MYO1D: variants seen among roughly 807,000 people sequenced by gnomAD.
The protein encoded by MYO1D is unconventional myosin-Id.
MYO1D carries 83 observed loss-of-function variants against 122.0 expected under a neutral mutation model. The ratio of observed to expected loss-of-function variants is 0.68; its 90% CI spans 0.57 to 0.82. The LOEUF (loss-of-function observed/expected upper bound fraction) is 0.82. Among genes scored for constraint, MYO1D ranks in the 40% least tolerant of loss-of-function variants. The pLI, the probability that MYO1D is intolerant of heterozygous loss-of-function variation, is 0.00. For missense variants in MYO1D, 1,157 were observed against 1,269.5 expected (o/e 0.91, Z 1.35); for synonymous variants, 464 against 446.9 (o/e 1.04, Z -0.48).
At chr17:32,594,453 T>C (rs1208369057) in intron 21 of MYO1D, 2 of 476,252 alleles carry the variant, frequency 4.2e-6, no homozygotes, top group East Asian at 3.3e-5. Flanking sequence ...TTGAACACTT[T>C]TGTTTGTTTC....
chr17:32,574,399 A>G (rs148642590), intron 21 of MYO1D, among the ~76,000 whole-genome samples: 1 of 152,306 alleles, frequency 6.6e-6, no homozygotes, highest in African/African-American at 2.4e-5. Flanking sequence ...GAATTATAGT[A>G]TGTTGAGTAA....
chr17:32,621,035 C>T (rs2087849283), intron 20 of MYO1D, among the ~76,000 whole-genome samples: 1 of 152,276 alleles, frequency 6.6e-6, no homozygotes, highest in African/African-American at 2.4e-5. Context: ...TCTAAAATGA[C>T]ATTCATTTAT....
chr17:32,494,549 T>C lies in MYO1D; in HGVS notation c.*210A>G. On this transcript the variant is annotated 3_prime_UTR_variant, in exon 22 of 22. Coordinates refer to ENST00000318217, the MANE Select transcript of MYO1D (RefSeq NM_015194.3). Reference sequence around the variant, plus strand: ...GGTCTGGGCGGGGCACCAGGGTCTTTGGCTTATTGAACAGGGACCGTGGAC... The same window carrying C: ...GGTCTGGGCGGGGCACCAGGGTCTTCGGCTTATTGAACAGGGACCGTGGAC... The C allele has an allele frequency of 6.2e-6, 4 of 642,072 alleles. No individual in the cohort carries two copies. The highest frequency in any genetic ancestry group is 3.1e-5 in the Admixed American group (1 of 31,968). The allele number at this position is 642,072 out of a possible 1,614,324, so 39.8% of individuals were successfully genotyped here. A position where few individuals can be genotyped will look rare whatever the true frequency, so the allele number is the denominator to read the frequency against.
At chr17:32,686,291 T>A (rs1186054398) in intron 16 of MYO1D, 1 of 152,216 alleles carries the variant, frequency 6.6e-6, no homozygotes, top group Non-Finnish European at 1.5e-5. Context: ...GAAGGCACTG[T>A]GACCATGGAG....
chr17:32,707,765 T>C (rs2089326900), intron 16 of MYO1D, among the ~76,000 whole-genome samples: 1 of 152,366 alleles, frequency 6.6e-6, no homozygotes, highest in East Asian at 1.9e-4. Flanking sequence ...GAATATCTGA[T>C]TTCCCTTCTG....
chr17:32,631,943 G>C (rs1597953095), intron 20 of MYO1D, among the ~76,000 whole-genome samples: 1 of 150,290 alleles, frequency 6.7e-6, no homozygotes, highest in African/African-American at 2.4e-5. Flanking sequence ...ATAATAAAAA[G>C]TCAGAGGGAT....
chr17:32,860,177 G>C (rs986220765), intron 1 of MYO1D, among the ~76,000 whole-genome samples: 3 of 152,104 alleles, frequency 2.0e-5, no homozygotes, highest in African/African-American at 7.2e-5. Context: ...GATGAAACCA[G>C]CACAAGAAGG....
rs150235750 is a variant in MYO1D, at chr17:32,686,071, G to A, written c.2121+25917C>T. On this transcript the variant is annotated intron_variant, in intron 16 of 21. Coordinates refer to ENST00000318217, the MANE Select transcript of MYO1D (RefSeq NM_015194.3). ...TAGCCAACTGCAAATCTCTGTGAAC[G>A]TTACCAGCTTTAAGTTATCATCATC... Among the ~76,000 whole-genome samples, 335 of 152,180 alleles carry A rather than the reference G, an allele frequency of 2.2e-3. 1 individual carries two copies. Among genetic ancestry groups the A allele is most frequent in the African/African-American group, 7.6e-3 (316 of 41,512 alleles).
At chr17:32,655,666 G>C (rs1465805812) in intron 17 of MYO1D, among the ~76,000 whole-genome samples, 1 of 152,162 alleles carries the variant, frequency 6.6e-6, no homozygotes, top group East Asian at 1.9e-4. Context: ...GGGAGAGTCA[G>C]GGTCAGAATC....
At chr17:32,633,276 A>G (rs1285917388) in intron 20 of MYO1D, among the ~76,000 whole-genome samples, 1 of 152,172 alleles carries the variant, frequency 6.6e-6, no homozygotes, top group African/African-American at 2.4e-5. Context: ...AGATAACAAA[A>G]TCAATAAGAG....
intron 16 of MYO1D, among the ~76,000 whole-genome samples, chr17:32,683,836 C>G (rs1452490170): frequency 6.6e-6 from 1 of 151,998 alleles, no homozygotes; most frequent in Admixed American, 6.6e-5. Flanking sequence ...GCGGGCGCCC[C>G]TCCCCCAGCC....
At chr17:32,583,132 T>C (rs1386781851) in intron 21 of MYO1D, among the ~76,000 whole-genome samples, 1 of 152,210 alleles carries the variant, frequency 6.6e-6, no homozygotes, top group East Asian at 1.9e-4. Flanking sequence ...ACCTTTGTTT[T>C]GGAAAGCTAT....
intron 21 of MYO1D, among the ~76,000 whole-genome samples, chr17:32,503,002 G>A (rs931406167): frequency 8.5e-5 from 13 of 152,070 alleles, no homozygotes; most frequent in African/African-American, 2.7e-4. Context: ...CTTTCATCTC[G>A]TTTCATCTGT....
At chr17:32,672,011 T>C (rs1258255833) in intron 16 of MYO1D, among the ~76,000 whole-genome samples, 1 of 152,234 alleles carries the variant, frequency 6.6e-6, no homozygotes, top group Non-Finnish European at 1.5e-5. Flanking sequence ...ATTTGAGTCC[T>C]GGCCCTGCAT....
At chr17:32,804,691 C>G (rs1273249553) in intron 1 of MYO1D, among the ~76,000 whole-genome samples, 1 of 152,084 alleles carries the variant, frequency 6.6e-6, no homozygotes, top group African/African-American at 2.4e-5. Flanking sequence ...TTTATATTCT[C>G]TAATAGTTCC....
At chr17:32,846,242 G>A (rs1381025835) in intron 1 of MYO1D, among the ~76,000 whole-genome samples, 1 of 152,190 alleles carries the variant, frequency 6.6e-6, no homozygotes, top group Non-Finnish European at 1.5e-5. Context: ...TGAGGCTTTG[G>A]TCTTAACCTC....
intron 11 of MYO1D, 102 bp downstream of exon 11, chr17:32,755,390 A>C (rs1598068712): frequency 8.2e-7 from 1 of 1,219,802 alleles, no homozygotes; most frequent in East Asian, 2.4e-5. Context: ...TTCTTATTAA[A>C]GGGGACATTC....
intron 21 of MYO1D, among the ~76,000 whole-genome samples, chr17:32,581,673 G>A (rs2087341424): frequency 6.6e-6 from 1 of 151,592 alleles, no homozygotes; most frequent in Non-Finnish European, 1.5e-5. Context: ...CCTGGGCTCA[G>A]GTGTTTCTCC....
intron 14 of MYO1D, among the ~76,000 whole-genome samples, chr17:32,731,764 T>C (rs951508184): frequency 6.6e-6 from 1 of 152,170 alleles, no homozygotes; most frequent in East Asian, 1.9e-4. Context: ...GGTGCAGCTG[T>C]GGCCGCCCAG....
Sources: allele counts gnomAD v4.1 joint callset (sites outside exome capture counted in the v4.1 genomes callset), GRCh38; gene constraint gnomAD v4.1.1; transcripts MANE v1.5; gene names NCBI Gene and HGNC (gene_info 2026-07-23, HGNC 2026-07-21).